CSTF3: variants seen among roughly 807,000 people sequenced by gnomAD.
CSTF3 encodes cleavage stimulation factor subunit 3, also known as CF-1 77 kDa subunit.
CSTF3 carries 29 observed loss-of-function variants against 105.8 expected under a neutral mutation model. The ratio of observed to expected loss-of-function variants is 0.27; its 90% CI spans 0.20 to 0.37. The LOEUF (loss-of-function observed/expected upper bound fraction) is 0.37. Ranked by LOEUF, CSTF3 falls within the 10% of genes least tolerant of loss-of-function variation. The pLI is 1.00. For missense variants in CSTF3, 357 were observed against 879.3 expected (o/e 0.41, Z 7.51); for synonymous variants, 252 against 281.9 (o/e 0.89, Z 1.06).
intron 3 of CSTF3, among the ~76,000 whole-genome samples, chr11:33,115,166 G>C (rs1172432751): frequency 6.6e-6 from 1 of 152,108 alleles, no homozygotes; most frequent in Non-Finnish European, 1.5e-5. Context: ...GACTTTCCTA[G>C]GACTTAAGAC....
At chr11:33,110,521 A>G (rs986311247) in intron 3 of CSTF3, among the ~76,000 whole-genome samples, 4 of 152,218 alleles carry the variant, frequency 2.6e-5, no homozygotes, top group African/African-American at 9.6e-5. Context: ...CAGAGTGGGA[A>G]TAAAGTAGGA....
intron 1 of CSTF3, among the ~76,000 whole-genome samples, chr11:33,145,137 CA>C (rs1012477766): frequency 6.6e-6 from 1 of 152,070 alleles, no homozygotes; most frequent in African/African-American, 2.4e-5. Context: ...ACCAGTGGTT[CA>C]AAAAGAAAAT....
At chr11:33,152,436 T>C (rs1299397544) in intron 1 of CSTF3, among the ~76,000 whole-genome samples, 18 of 152,148 alleles carry the variant, frequency 1.2e-4, no homozygotes, top group Admixed American at 1.2e-3. Flanking sequence ...GCTGGGTTTT[T>C]TCATTAATGA....
chr11:33,161,213 T>C, intron 1 of CSTF3, 86 bp downstream of exon 1: 1 of 1,505,666 alleles, frequency 6.6e-7, no homozygotes, highest in Admixed American at 1.7e-5. Flanking sequence ...ACCCAATTCC[T>C]TCCTCAGCCG....
chr11:33,096,473 T>C, intron 14 of CSTF3, 65 bp from the exon 15 acceptor site: 1 of 968,624 alleles, frequency 1.0e-6, no homozygotes, highest in Non-Finnish European at 1.6e-6. Flanking sequence ...CTTGAAAGAA[T>C]ATTAAAATTA....
intron 1 of CSTF3, among the ~76,000 whole-genome samples, chr11:33,150,234 A>G (rs1333895588): frequency 2.8e-5 from 3 of 106,526 alleles, no homozygotes; most frequent in Admixed American, 1.0e-4. Flanking sequence ...AAAAAAAAAA[A>G]AAAAAGAAAA....
At chr11:33,134,615 T>A (rs1192942775) in intron 3 of CSTF3, 1 of 152,214 alleles carries the variant, frequency 6.6e-6, no homozygotes, top group Non-Finnish European at 1.5e-5. Context: ...ATTCTAAATA[T>A]CATTAGTACT....
At chr11:33,090,754 C>T (rs767130714) in intron 16 of CSTF3, 27 bp from the exon 17 acceptor site, 4 of 1,473,292 alleles carry the variant, frequency 2.7e-6, no homozygotes, top group Non-Finnish European at 3.6e-6. Context: ...ACAATCAATA[C>T]TTTAATTATT....
At chr11:33,097,163 T>C (rs1371869958) in intron 13 of CSTF3, among the ~76,000 whole-genome samples, 185 bp from the exon 14 acceptor site, 1 of 152,238 alleles carries the variant, frequency 6.6e-6, no homozygotes, top group African/African-American at 2.4e-5. Flanking sequence ...TATTGAGACA[T>C]AATTCACATA....
At chr11:33,158,668 G>A (rs1021078501) in intron 1 of CSTF3, among the ~76,000 whole-genome samples, 3 of 152,110 alleles carry the variant, frequency 2.0e-5, no homozygotes, top group Admixed American at 2.0e-4. Flanking sequence ...ACAGAACCCA[G>A]CAGAAGTACC....
intron 3 of CSTF3, among the ~76,000 whole-genome samples, chr11:33,114,239 TTA>T (rs1242142889): frequency 6.6e-6 from 1 of 152,186 alleles, no homozygotes; most frequent in African/African-American, 2.4e-5. Flanking sequence ...TGGAATATAT[TTA>T]TATTGAGATC....
intron 1 of CSTF3, among the ~76,000 whole-genome samples, chr11:33,142,901 C>T (rs1392263306): frequency 2.0e-5 from 3 of 152,132 alleles, no homozygotes; most frequent in Admixed American, 1.3e-4. Flanking sequence ...AAAAATTCCA[C>T]TGTATGCCCG....
chr11:33,103,658 T>C (rs1855300503), intron 8 of CSTF3, among the ~76,000 whole-genome samples: 2 of 152,008 alleles, frequency 1.3e-5, no homozygotes, highest in South Asian at 2.1e-4. Context: ...TAATCCCAGC[T>C]ACTTGGGAGC....
intron 3 of CSTF3, among the ~76,000 whole-genome samples, chr11:33,119,822 T>C (rs1590273435): frequency 6.6e-6 from 1 of 151,842 alleles, no homozygotes; most frequent in Admixed American, 6.6e-5. Flanking sequence ...CCTATATGGA[T>C]AGTTTATTTC....
chr11:33,152,936 C>A (rs1195561536), intron 1 of CSTF3, among the ~76,000 whole-genome samples: 1 of 150,704 alleles, frequency 6.6e-6, no homozygotes, highest in African/African-American at 2.4e-5. Context: ...CCAGCCTGAG[C>A]AAGAGTGAGA....
intron 3 of CSTF3, among the ~76,000 whole-genome samples, chr11:33,129,810 A>C (rs981004429): frequency 1.3e-5 from 2 of 152,258 alleles, no homozygotes; most frequent in East Asian, 3.8e-4. Flanking sequence ...TAAAATTCCA[A>C]AACACTTCAA....
chr11:33,093,926 T>C (rs185470136), intron 15 of CSTF3, among the ~76,000 whole-genome samples: 126 of 152,310 alleles, frequency 8.3e-4, no homozygotes, highest in African/African-American at 2.9e-3. Context: ...CAGGCTGGTC[T>C]GGAACCCCTC....
At chr11:33,143,698 G>A (rs944954683) in intron 1 of CSTF3, among the ~76,000 whole-genome samples, 2 of 152,074 alleles carry the variant, frequency 1.3e-5, no homozygotes, top group Non-Finnish European at 2.9e-5. Context: ...TACTGTGAGT[G>A]AGATTGCGCC....
At chr11:33,131,568 C>A (rs748689374) in intron 3 of CSTF3, among the ~76,000 whole-genome samples, 1 of 152,114 alleles carries the variant, frequency 6.6e-6, no homozygotes, top group East Asian at 1.9e-4. Context: ...TTGAACAGGC[C>A]GGGTGCGGTG....
Sources: gnomAD v4.1 joint callset for allele counts (sites outside exome capture counted in the v4.1 genomes callset) on GRCh38, gnomAD v4.1.1 for gene constraint, MANE v1.5 for transcripts, NCBI Gene and HGNC (gene_info 2026-07-23, HGNC 2026-07-21) for gene names.